The following ONECUT3 variants were observed in gnomAD, a reference collection of about 807,000 sequenced individuals.
The protein encoded by ONECUT3 is one cut domain family member 3.
ONECUT3 carries 11 observed loss-of-function variants against 16.8 expected under a neutral mutation model. The observed-to-expected ratio is 0.66, with a 90% CI of 0.41 to 1.09. The LOEUF (loss-of-function observed/expected upper bound fraction) is 1.09. Among genes scored for constraint, ONECUT3 ranks in the 50% least tolerant of loss-of-function variants. The pLI is 0.00. For synonymous variants in ONECUT3, 344 were observed against 310.7 expected, an observed-to-expected ratio of 1.11 and a Z score of -1.13; for missense variants, 637 against 629.9, an observed-to-expected ratio of 1.01 and a Z score of -0.12.
Position 1,764,553 on chromosome 19 carries a change from G to T in ONECUT3, c.1192+9699G>T, listed in dbSNP as rs954544091. On this transcript the variant is annotated intron_variant, in intron 1 of 1. Transcript: ENST00000382349. The surrounding 1 kb of genome is among the most constrained non-coding windows in gnomAD (Gnocchi z 5.0). Reference sequence around the variant, plus strand: ...GTAAGCCACCCAGAGTGGAGGGGTAGTGGGAACAGAGTGGGGCCAGATGAG... The same window carrying T: ...GTAAGCCACCCAGAGTGGAGGGGTATTGGGAACAGAGTGGGGCCAGATGAG... 7.9e-5 allele frequency among the ~76,000 whole-genome samples: 12 copies of T among 152,046 alleles called. No homozygotes were observed. The highest frequency in any genetic ancestry group is 1.8e-4 in the Non-Finnish European group (12 of 68,006).
At chr19:1,765,904 G>A (rs2067983823) in intron 1 of ONECUT3, among the ~76,000 whole-genome samples, 1 of 152,152 alleles carries the variant, frequency 6.6e-6, no homozygotes, top group South Asian at 2.1e-4. Context: ...GCTTCTGCGG[G>A]GTGACACCCA....
intron 1 of ONECUT3, among the ~76,000 whole-genome samples, chr19:1,772,910 A>T (rs1289375688): frequency 3.0e-5 from 4 of 133,844 alleles, no homozygotes; most frequent in Non-Finnish European, 6.2e-5. Context: ...TCACCGTGTT[A>T]GCCAGGATGG....
At chr19:1,774,375 G>A (rs1568602943) in intron 1 of ONECUT3, among the ~76,000 whole-genome samples, 3 of 151,484 alleles carry the variant, frequency 2.0e-5, no homozygotes, top group African/African-American at 4.9e-5. Flanking sequence ...GAGGCCAGGC[G>A]TTCGAGACCA....
In ONECUT3 at chr19:1,759,338, C is replaced by A. The variant is rs904251215; in HGVS notation, c.1192+4484C>A. On this transcript the variant is annotated intron_variant, in intron 1 of 1. Transcript: ENST00000382349. The surrounding 1 kb of genome is among the most constrained non-coding windows in gnomAD (Gnocchi z 4.1). ...GCCCTCCCTCCCCGGCTTCTCCCCCCTACCCGCTGCCACCATCAAGGGCTG... is the reference window on the plus strand; with the variant it reads ...GCCCTCCCTCCCCGGCTTCTCCCCCATACCCGCTGCCACCATCAAGGGCTG... Among the ~76,000 whole-genome samples the A allele has an allele frequency of 6.6e-6, 1 of 152,016 alleles. No homozygotes were observed. Among genetic ancestry groups the A allele is most frequent in the Admixed American group, 6.6e-5 (1 of 15,260 alleles).
In ONECUT3 at chr19:1,775,182, A is replaced by T; in HGVS notation, c.1222A>T (p.Lys408Ter). 1 of 1,472,480 alleles carries T rather than the reference A, an allele frequency of 6.8e-7. No homozygotes were observed. Among genetic ancestry groups the T allele is most frequent in the Non-Finnish European group, 9.1e-7 (1 of 1,097,456 alleles). The allele number at this position is 1,472,480 out of a possible 1,614,324, so 91.2% of individuals were successfully genotyped here. The change falls in exon 2 of 2, where the codon AAG becomes TAG. Residue 408 changes from lysine (K) to a stop codon, truncating the protein, a stop_gained. Transcript: ENST00000382349. LOFTEE classifies it high-confidence loss of function. ...ACKRKEQEQQ[K>*]ERALQPKKQR... ...CAAGCGCAAGGAACAGGAGCAGCAGAAGGAGCGCGCCCTGCAGCCCAAGAA... is the reference window on the plus strand; with the variant it reads ...CAAGCGCAAGGAACAGGAGCAGCAGTAGGAGCGCGCCCTGCAGCCCAAGAA...
At chr19:1,763,427 C>T (rs865887751) in intron 1 of ONECUT3, among the ~76,000 whole-genome samples, 1 of 140,894 alleles carries the variant, frequency 7.1e-6, no homozygotes, top group Admixed American at 7.6e-5. Flanking sequence ...ACATCTGTGG[C>T]CCCGGCTACT....
Position 1,754,214 on chromosome 19 carries a change from C to T in ONECUT3, c.552C>T (p.Leu184=). Residue 184 remains leucine (L), a synonymous_variant, in exon 1 of 2, where the codon CTC becomes CTT. Transcript: ENST00000382349. This position sits in a 1 kb window ranked among gnomAD's most constrained non-coding sequence, Gnocchi z 7.4. ...ERAALASVGH[L]YGPYGKELPA... ...CGGCGCTCGCCTCCGTGGGCCACCT[C>T]TACGGACCCTACGGCAAGGAGCTGC... 8.8e-7 allele frequency: 1 copy of T among 1,134,656 alleles called. No individual in the cohort carries two copies. 70.3% of individuals were successfully genotyped at this position (1,134,656 alleles called of 1,614,324 possible). A position where few individuals can be genotyped will look rare whatever the true frequency, so the allele number is the denominator to read the frequency against.
At position 1,755,095 on chromosome 19, in the gene ONECUT3, CT is replaced by C. The variant is rs1358208698; in HGVS notation, c.1192+244del. ...CGCCCCCCGGTCGCCGCTTCTGCCC[CT>C]TTCGGGAGCGCGTAGGGGTTCTCTA... On this transcript the variant is annotated intron_variant, in intron 1 of 1. Coordinates refer to ENST00000382349, the MANE Select transcript of ONECUT3 (RefSeq NM_001080488.2). The surrounding 1 kb of genome is among the most constrained non-coding windows in gnomAD (Gnocchi z 7.5). 1.3e-5 allele frequency among the ~76,000 whole-genome samples: 2 copies of C among 152,214 alleles called. No individual in the cohort carries two copies. Among genetic ancestry groups the C allele is most frequent in the African/African-American group, 4.8e-5 (2 of 41,462 alleles).
chr19:1,770,633 G>A (rs555039179), intron 1 of ONECUT3, among the ~76,000 whole-genome samples: 7 of 152,168 alleles, frequency 4.6e-5, no homozygotes, highest in Non-Finnish European at 7.4e-5. Flanking sequence ...ACAGGTGAGC[G>A]AGAAGGGCCT....
chr19:1,769,837 T>G (rs895228563), intron 1 of ONECUT3, among the ~76,000 whole-genome samples: 5 of 152,078 alleles, frequency 3.3e-5, no homozygotes, highest in Non-Finnish European at 5.9e-5. Flanking sequence ...TTTGCTGCAA[T>G]CGACAAAACG....
In ONECUT3 at chr19:1,764,217, T is replaced by C. The variant is rs2067964921; in HGVS notation, c.1192+9363T>C. 6.6e-6 allele frequency among the ~76,000 whole-genome samples: 1 copy of C among 152,070 alleles called. No individual in the cohort carries two copies. Among genetic ancestry groups the C allele is most frequent in the Admixed American group, 6.6e-5 (1 of 15,262 alleles). ...CCTGTTTGAGGGTGCCTGAATGGGGTGGGTCTCTGTAGCTGAATGTCCGAG... is the reference window on the plus strand; with the variant it reads ...CCTGTTTGAGGGTGCCTGAATGGGGCGGGTCTCTGTAGCTGAATGTCCGAG... On this transcript the variant is annotated intron_variant, in intron 1 of 1. Transcript: ENST00000382349. This position sits in a 1 kb window ranked among gnomAD's most constrained non-coding sequence, Gnocchi z 5.0.
intron 1 of ONECUT3, among the ~76,000 whole-genome samples, chr19:1,774,936 C>A (rs2068090857): frequency 6.6e-6 from 1 of 152,066 alleles, no homozygotes; most frequent in African/African-American, 2.4e-5. Flanking sequence ...TGTCTCTGTG[C>A]GTCCCTGTGT....
intron 1 of ONECUT3, among the ~76,000 whole-genome samples, chr19:1,768,879 A>AGGTGGAGGT (rs1307570259): frequency 3.9e-5 from 1 of 25,520 alleles, no homozygotes; most frequent in Non-Finnish European, 7.1e-5. Context: ...GCGGAGGTAG[A>AGGTGGAGGT]GGTGGAGGTG....
Position 1,754,367 on chromosome 19 carries a change from T to C in ONECUT3, c.705T>C (p.Ala235=). 1 of 1,099,016 alleles carries C rather than the reference T, an allele frequency of 9.1e-7. No individual in the cohort carries two copies. Among genetic ancestry groups the C allele is most frequent in the Non-Finnish European group, 1.1e-6 (1 of 896,788 alleles). 68.1% of individuals were successfully genotyped at this position (1,099,016 alleles called of 1,614,324 possible). A position where few individuals can be genotyped will look rare whatever the true frequency, so the allele number is the denominator to read the frequency against. ...LAAYGPPGHL[A]GDKLLPPAAF... is the part of the protein sequence containing the mutation. ...CCTACGGCCCGCCAGGCCACCTGGC[T>C]GGGGACAAGCTGCTGCCGCCCGCCG... Residue 235 remains alanine (A), a synonymous_variant, in exon 1 of 2, where the codon GCT becomes GCC. Coordinates refer to ENST00000382349, the MANE Select transcript of ONECUT3 (RefSeq NM_001080488.2). This position sits in a 1 kb window ranked among gnomAD's most constrained non-coding sequence, Gnocchi z 7.4.
chr19:1,766,576 G>A lies in ONECUT3; in HGVS notation c.1193-8577G>A, dbSNP rs1156313845. ...GAGCAGAGAGGGGAGAGGGAGGGAG[G>A]GTGAGTGGAAAAGGAGGGGTGAGGA... On this transcript the variant is annotated intron_variant, in intron 1 of 1. Coordinates refer to ENST00000382349, the MANE Select transcript of ONECUT3 (RefSeq NM_001080488.2). The surrounding 1 kb of genome is among the most constrained non-coding windows in gnomAD (Gnocchi z 4.0). Among the ~76,000 whole-genome samples, 12 of 151,122 alleles carry A rather than the reference G, an allele frequency of 7.9e-5. No homozygotes were observed. Among genetic ancestry groups the A allele is most frequent in the African/African-American group, 2.9e-4 (12 of 41,062 alleles).
chr19:1,757,997 C>A (rs925088626), intron 1 of ONECUT3, among the ~76,000 whole-genome samples: 9 of 152,214 alleles, frequency 5.9e-5, no homozygotes, highest in East Asian at 3.9e-4. Flanking sequence ...GAGAACTTTG[C>A]GCCCCGGGTC....
At position 1,755,716 on chromosome 19, in the gene ONECUT3, G is replaced by T. The variant is rs183875331; in HGVS notation, c.1192+862G>T. Among the ~76,000 whole-genome samples, 1 of 152,152 alleles carries T rather than the reference G, an allele frequency of 6.6e-6. No homozygotes were observed. The highest frequency in any genetic ancestry group is 2.4e-5 in the African/African-American group (1 of 41,424). On this transcript the variant is annotated intron_variant, in intron 1 of 1. Transcript: ENST00000382349. This position sits in a 1 kb window ranked among gnomAD's most constrained non-coding sequence, Gnocchi z 7.5. ...TGCTCTCCGTTTTGCTCTTGTTCCT[G>T]CTCATTATCTCTTCTCCCTGTCGGT...
At chr19:1,772,686 C>CTTTTTTTTTT (rs201848533) in intron 1 of ONECUT3, among the ~76,000 whole-genome samples, 6 of 64,010 alleles carry the variant, frequency 9.4e-5, no homozygotes, top group East Asian at 4.1e-4. Context: ...CTGCTTTACT[C>CTTTTTTTTTT]TTTTTTTTTT....
intron 1 of ONECUT3, among the ~76,000 whole-genome samples, chr19:1,774,745 G>A (rs1268840877): frequency 6.6e-6 from 1 of 151,646 alleles, no homozygotes; most frequent in African/African-American, 2.4e-5. Context: ...GGGGCTGGAG[G>A]GGGTGGTAGC....
Sources: gnomAD v4.1 joint callset for allele counts (sites outside exome capture counted in the v4.1 genomes callset) on GRCh38, gnomAD v4.1.1 for gene constraint, Gnocchi (gnomAD v3.1) non-coding constraint, MANE v1.5 for transcripts, NCBI Gene and HGNC (gene_info 2026-07-23, HGNC 2026-07-21) for gene names.